The following MYO1E variants were observed in gnomAD, a reference collection of about 807,000 sequenced individuals.
MYO1E encodes unconventional myosin-Ie.
In MYO1E, 68 loss-of-function variants were observed where a neutral mutation model predicts 151.1. The ratio of observed to expected loss-of-function variants is 0.45; its 90% CI spans 0.37 to 0.55. The LOEUF is 0.55. Ranked by LOEUF, MYO1E falls within the 20% of genes least tolerant of loss-of-function variation. The probability of loss-of-function intolerance (pLI) is 0.00; values close to 1 mark genes in which losing one functional copy is unlikely to be tolerated. For synonymous variants in MYO1E, 601 were observed against 501.7 expected, an observed-to-expected ratio of 1.20 and a Z score of -2.64; for missense variants, 1,363 against 1,389.3, an observed-to-expected ratio of 0.98 and a Z score of 0.30.
intron 4 of MYO1E, among the ~76,000 whole-genome samples, chr15:59,244,147 G>A (rs2080116003): frequency 6.6e-6 from 1 of 152,210 alleles, no homozygotes; most frequent in South Asian, 2.1e-4. Context: ...ACCAACAGCT[G>A]TTATTTCTTC....
intron 1 of MYO1E, among the ~76,000 whole-genome samples, chr15:59,349,368 C>T (rs1349318978): frequency 6.6e-6 from 1 of 152,018 alleles, no homozygotes; most frequent in African/African-American, 2.4e-5. Context: ...GCTGTGATTC[C>T]TCTAGCTCAG....
At chr15:59,339,526 C>G (rs144832418) in intron 1 of MYO1E, among the ~76,000 whole-genome samples, 1 of 152,298 alleles carries the variant, frequency 6.6e-6, no homozygotes, top group East Asian at 1.9e-4. Flanking sequence ...CAGAACACAG[C>G]CCCTCCCAAG....
chr15:59,215,821 G>A (rs1437507552), intron 10 of MYO1E, among the ~76,000 whole-genome samples: 1 of 152,108 alleles, frequency 6.6e-6, no homozygotes, highest in Non-Finnish European at 1.5e-5. Context: ...GAAGCCCAGC[G>A]CTGGAAGGTG....
chr15:59,295,318 C>T (rs1162744852), intron 1 of MYO1E, among the ~76,000 whole-genome samples: 2 of 152,022 alleles, frequency 1.3e-5, no homozygotes, highest in African/African-American at 4.8e-5. Context: ...GTAACAACAT[C>T]GCTTGTGTTT....
chr15:59,208,996 T>G, intron 13 of MYO1E, 148 bp from the exon 14 acceptor site: 1 of 960,940 alleles, frequency 1.0e-6, no homozygotes, highest in Non-Finnish European at 1.6e-6. Flanking sequence ...AAGAATGCAA[T>G]TAATAGTCCC....
intron 10 of MYO1E, among the ~76,000 whole-genome samples, 164 bp downstream of exon 10, chr15:59,217,727 C>T (rs1413478298): frequency 6.6e-6 from 1 of 151,568 alleles, no homozygotes; most frequent in Non-Finnish European, 1.5e-5. Flanking sequence ...AGGGTCTCAC[C>T]ATGTTGCAGA....
At chr15:59,353,626 G>A (rs543596301) in intron 1 of MYO1E, among the ~76,000 whole-genome samples, 3 of 151,510 alleles carry the variant, frequency 2.0e-5, no homozygotes, top group East Asian at 1.9e-4. Flanking sequence ...GTGTGGTGGC[G>A]CACGCCTGTA....
intron 14 of MYO1E, chr15:59,207,852 T>G: frequency 6.2e-7 from 1 of 1,614,220 alleles, no homozygotes; most frequent in Non-Finnish European, 8.5e-7. Flanking sequence ...TTGGCCTATC[T>G]GTGGCCGATT....
rs374472292 is a variant in MYO1E at position 59,241,921 on chromosome 15, A to AAAAATAAAATAAAATAAAAT, written c.333-5269_333-5250dup. Among the ~76,000 whole-genome samples the AAAAATAAAATAAAATAAAAT allele has an allele frequency of 4.5e-3, 682 of 150,826 alleles. 6 individuals carry two copies. Among genetic ancestry groups the AAAAATAAAATAAAATAAAAT allele is most frequent in the African/African-American group, 0.016 (646 of 40,444 alleles). ...GTAACAAAGTGAGATCCTGTCTCTA[A>AAAAATAAAATAAAATAAAAT]AAAATAAAATAAAATAAAATAAAAT... On this transcript the variant is annotated intron_variant, in intron 4 of 27. Transcript: ENST00000288235.
intron 9 of MYO1E, among the ~76,000 whole-genome samples, chr15:59,218,970 G>A (rs1042412281): frequency 2.0e-5 from 3 of 152,166 alleles, no homozygotes; most frequent in Non-Finnish European, 4.4e-5. Context: ...CAATGCTGGG[G>A]GTCCTTGAAT....
intron 1 of MYO1E, among the ~76,000 whole-genome samples, chr15:59,282,104 A>C (rs548542574): frequency 6.6e-6 from 1 of 152,184 alleles, no homozygotes; most frequent in East Asian, 1.9e-4. Context: ...TTTTCTTGTC[A>C]ATTTCAAGTC....
At chr15:59,230,232 G>A (rs1381806162) in intron 6 of MYO1E, among the ~76,000 whole-genome samples, 1 of 150,144 alleles carries the variant, frequency 6.7e-6, no homozygotes, top group Non-Finnish European at 1.5e-5. Context: ...GTTTGTGTGT[G>A]TGTGTGTGTG....
chr15:59,256,513 G>A (rs1431692698), intron 3 of MYO1E, 135 bp from the exon 4 acceptor site: 1 of 444,278 alleles, frequency 2.3e-6, no homozygotes, highest in Non-Finnish European at 3.9e-6. Context: ...TAGTTCCAAT[G>A]CCTATCATTA....
chr15:59,258,789 G>A (rs1458602129), intron 3 of MYO1E, among the ~76,000 whole-genome samples: 1 of 152,054 alleles, frequency 6.6e-6, no homozygotes, highest in Non-Finnish European at 1.5e-5. Context: ...TCCTGGAGGT[G>A]GAGGTTCCTG....
intron 4 of MYO1E, among the ~76,000 whole-genome samples, chr15:59,251,296 T>C (rs1331067427): frequency 3.3e-5 from 5 of 152,078 alleles, no homozygotes; most frequent in African/African-American, 9.7e-5. Context: ...AAGGAATAAG[T>C]ATAGTGAGAC....
chr15:59,266,491 C>CAA (rs1271355795), intron 2 of MYO1E, among the ~76,000 whole-genome samples: 4 of 151,734 alleles, frequency 2.6e-5, no homozygotes, highest in African/African-American at 9.7e-5. Flanking sequence ...GCAAGAATGA[C>CAA]AAAAAAACAA....
chr15:59,235,113 T>C (rs1236229043), intron 5 of MYO1E, among the ~76,000 whole-genome samples: 4 of 152,066 alleles, frequency 2.6e-5, no homozygotes, highest in African/African-American at 9.7e-5. Flanking sequence ...ATTCTCTGGA[T>C]CTTTTCTCTT....
At chr15:59,226,364 A>G (rs2079991484) in intron 7 of MYO1E, among the ~76,000 whole-genome samples, 1 of 152,238 alleles carries the variant, frequency 6.6e-6, no homozygotes, top group Non-Finnish European at 1.5e-5. Flanking sequence ...AATGAAACAA[A>G]ACAAAACAAA....
At chr15:59,371,149 T>A (rs2140447591) in intron 1 of MYO1E, among the ~76,000 whole-genome samples, 1 of 152,316 alleles carries the variant, frequency 6.6e-6, no homozygotes, top group African/African-American at 2.4e-5. Flanking sequence ...CCTTGAAAGG[T>A]TTCTCGTTGA....
Sources: gnomAD v4.1 joint callset for allele counts (sites outside exome capture counted in the v4.1 genomes callset) on GRCh38, gnomAD v4.1.1 for gene constraint, MANE v1.5 for transcripts, NCBI Gene and HGNC (gene_info 2026-07-23, HGNC 2026-07-21) for gene names.